The following EYS variants were observed in gnomAD, a reference collection of about 807,000 sequenced individuals.
EYS encodes protein eyes shut homolog.
EYS carries 250 observed loss-of-function variants against 282.1 expected under a neutral mutation model. The ratio of observed to expected loss-of-function variants is 0.89; its 90% CI spans 0.80 to 0.98. EYS has a LOEUF of 0.98. Ranked by LOEUF, EYS falls within the 50% of genes least tolerant of loss-of-function variation. The pLI, the probability that EYS is intolerant of heterozygous loss-of-function variation, is 0.00. For synonymous variants in EYS, 1,355 were observed against 1,282.9 expected (o/e 1.06, Z -1.20); for missense variants, 4,016 against 3,709.0 (o/e 1.08, Z -2.15).
intron 2 of EYS, among the ~76,000 whole-genome samples, chr6:65,572,830 C>A (rs1191577300): frequency 6.6e-6 from 1 of 152,054 alleles, no homozygotes; most frequent in Non-Finnish European, 1.5e-5. Context: ...ACAGGAACAT[C>A]TATTTTAAAA....
At chr6:63,947,252 T>C (rs1355121745) in intron 35 of EYS, among the ~76,000 whole-genome samples, 6 of 152,022 alleles carry the variant, frequency 3.9e-5, no homozygotes, top group Admixed American at 1.3e-4. Flanking sequence ...TGTGTGACCT[T>C]GGCAAAAAGC....
chr6:64,391,357 G>A (rs1773131958), intron 28 of EYS, among the ~76,000 whole-genome samples: 2 of 152,096 alleles, frequency 1.3e-5, no homozygotes, highest in South Asian at 4.1e-4. Context: ...AGGAAAAAAT[G>A]TTAAGGGCAG....
chr6:65,209,768 G>A (rs1766127447), intron 12 of EYS, among the ~76,000 whole-genome samples: 1 of 151,852 alleles, frequency 6.6e-6, no homozygotes, highest in Admixed American at 6.6e-5. Context: ...CTATGGTCAG[G>A]GATCACCAAT....
At chr6:65,358,252 C>T (rs912973865) in intron 8 of EYS, among the ~76,000 whole-genome samples, 1 of 151,838 alleles carries the variant, frequency 6.6e-6, no homozygotes, top group Non-Finnish European at 1.5e-5. Flanking sequence ...AAATATTTAA[C>T]AGAAAATTTT....
chr6:64,104,297 T>G (rs865889874), intron 31 of EYS, among the ~76,000 whole-genome samples: 5 of 151,974 alleles, frequency 3.3e-5, no homozygotes, highest in Admixed American at 6.6e-5. Flanking sequence ...CCTCTTGTAC[T>G]GAAATCTGAT....
At chr6:64,387,842 G>A (rs184822558) in intron 29 of EYS, among the ~76,000 whole-genome samples, 17 of 152,018 alleles carry the variant, frequency 1.1e-4, no homozygotes, top group East Asian at 9.7e-4. Flanking sequence ...AAATATGCTC[G>A]TCAATTTTGT....
intron 32 of EYS, among the ~76,000 whole-genome samples, chr6:64,071,638 A>G (rs1771584339): frequency 6.8e-6 from 1 of 147,480 alleles, no homozygotes; most frequent in Non-Finnish European, 1.5e-5. Flanking sequence ...GTCATTTAGC[A>G]TTAGGTATAT....
At chr6:64,436,635 T>C (rs1774759477) in intron 27 of EYS, among the ~76,000 whole-genome samples, 1 of 151,892 alleles carries the variant, frequency 6.6e-6, no homozygotes, top group Non-Finnish European at 1.5e-5. Context: ...GAATGGTTAA[T>C]ACAATCTAGA....
chr6:65,344,293 C>T, intron 9 of EYS, 116 bp from the exon 10 acceptor site: 2 of 865,736 alleles, frequency 2.3e-6, no homozygotes. Flanking sequence ...ACATCTGCCA[C>T]AAAATAAGTT....
At chr6:65,084,013 A>C (rs969066477) in intron 12 of EYS, among the ~76,000 whole-genome samples, 1 of 151,928 alleles carries the variant, frequency 6.6e-6, no homozygotes, top group Non-Finnish European at 1.5e-5. Context: ...ATGCTGAAAA[A>C]TATTTTCATT....
At chr6:65,380,113 A>T (rs1207187850) in intron 8 of EYS, among the ~76,000 whole-genome samples, 4 of 152,150 alleles carry the variant, frequency 2.6e-5, no homozygotes, top group Non-Finnish European at 5.9e-5. Context: ...GAACTAGAAA[A>T]AAATACTTTA....
intron 31 of EYS, among the ~76,000 whole-genome samples, chr6:64,180,619 T>A (rs923836338): frequency 1.3e-5 from 2 of 152,078 alleles, no homozygotes; most frequent in African/African-American, 4.8e-5. Context: ...GTTGTTGCCA[T>A]CTTTATGTCT....
chr6:64,128,713 T>A (rs1773867390), intron 31 of EYS, among the ~76,000 whole-genome samples: 1 of 152,234 alleles, frequency 6.6e-6, no homozygotes, highest in African/African-American at 2.4e-5. Flanking sequence ...TCTACTTATT[T>A]GTTTCAAAGT....
chr6:64,336,756 T>C (rs138689851), intron 29 of EYS, among the ~76,000 whole-genome samples: 4,737 of 151,886 alleles, frequency 0.031, 232 homozygotes, highest in African/African-American at 0.11. Flanking sequence ...TTTAAGAAAA[T>C]TGAAATTATA....
intron 12 of EYS, among the ~76,000 whole-genome samples, chr6:65,140,452 AG>A (rs1167708357): frequency 6.6e-6 from 1 of 152,002 alleles, no homozygotes; most frequent in Non-Finnish European, 1.5e-5. Context: ...GAGAAACTTG[AG>A]GGGGAAGTTT....
chr6:65,167,792 C>T (rs1052801551), intron 12 of EYS, among the ~76,000 whole-genome samples: 1 of 151,250 alleles, frequency 6.6e-6, no homozygotes, highest in African/African-American at 2.4e-5. Flanking sequence ...CTTTTATGCT[C>T]TAACTTGATC....
intron 24 of EYS, among the ~76,000 whole-genome samples, chr6:64,616,412 G>T (rs1396053547): frequency 6.6e-6 from 1 of 152,112 alleles, no homozygotes; most frequent in Non-Finnish European, 1.5e-5. Context: ...GAGAAAGGAA[G>T]ATATCTGTTT....
At chr6:64,953,922 T>C (rs780358709) in intron 14 of EYS, among the ~76,000 whole-genome samples, 1 of 151,950 alleles carries the variant, frequency 6.6e-6, no homozygotes, top group Non-Finnish European at 1.5e-5. Flanking sequence ...CAAGCTATAC[T>C]GGATTTTGAA....
At chr6:64,297,977 C>CAAAAAAAAAAAAAAAAAAAAAA (rs34562408) in intron 30 of EYS, among the ~76,000 whole-genome samples, 23 of 96,430 alleles carry the variant, frequency 2.4e-4, no homozygotes, top group African/African-American at 8.5e-4. Flanking sequence ...GATTCTGTCT[C>CAAAAAAAAAAAAAAAAAAAAAA]AAAAAAAAAA....
Sources: allele counts gnomAD v4.1 joint callset (sites outside exome capture counted in the v4.1 genomes callset), GRCh38; gene constraint gnomAD v4.1.1; transcripts MANE v1.5; gene names NCBI Gene and HGNC (gene_info 2026-07-23, HGNC 2026-07-21).